The following UBA5 variants were observed in gnomAD, a reference collection of about 807,000 sequenced individuals.
UBA5 encodes ubiquitin-like modifier-activating enzyme 5.
Under a neutral mutation model 52.9 loss-of-function variants are expected in UBA5, and 28 were observed. That is an observed-to-expected ratio of 0.53 (90% CI 0.39 to 0.73). UBA5 has a LOEUF of 0.73. Among genes scored for constraint, UBA5 ranks in the 30% least tolerant of loss-of-function variants. The pLI, the probability that UBA5 is intolerant of heterozygous loss-of-function variation, is 0.00. For missense variants in UBA5, 388 were observed against 492.7 expected (o/e 0.79, Z 2.01); for synonymous variants, 135 against 162.1 (o/e 0.83, Z 1.27).
intron 1 of UBA5, among the ~76,000 whole-genome samples, chr3:132,664,515 G>GTTTT (rs1320006196): frequency 6.6e-6 from 1 of 152,134 alleles, no homozygotes; most frequent in Non-Finnish European, 1.5e-5. Context: ...TGATGACAGT[G>GTTTT]TTTTAAACTG....
intron 1 of UBA5, chr3:132,661,185 C>A: frequency 1.8e-6 from 1 of 562,564 alleles, no homozygotes; most frequent in Non-Finnish European, 2.7e-6. Flanking sequence ...CCAAGACTGC[C>A]CAGGCCTCTC....
rs1938892994 is a variant in UBA5, at chr3:132,677,636, ATAGGCTGTTTC to A, written c.*1113_*1123del. 1 of 152,198 alleles carries A rather than the reference ATAGGCTGTTTC, an allele frequency of 6.6e-6. No homozygotes were observed. Among genetic ancestry groups the A allele is most frequent in the Non-Finnish European group, 1.5e-5 (1 of 68,026 alleles). The allele number at this position is 152,198 out of a possible 1,614,324, so 9.4% of individuals were successfully genotyped here. A position where few individuals can be genotyped will look rare whatever the true frequency, so the allele number is the denominator to read the frequency against. ...TACCATGCAGGTGTAACCACTGCCA[ATAGGCTGTTTC>A]TATGCTTATTTCCTATTTTGATTTT... is the stretch of plus-strand genomic sequence containing the variant. On this transcript the variant is annotated 3_prime_UTR_variant, in exon 12 of 12. Transcript: ENST00000356232.
Position 132,671,109 on chromosome 3 carries a change from A to G in UBA5, c.579+60A>G, listed in dbSNP as rs1236043728. 7.9e-6 allele frequency: 11 copies of G among 1,384,122 alleles called. No individual in the cohort carries two copies. In the African/African-American group the frequency reaches 1.6e-4, roughly 20 times the overall value. The allele number at this position is 1,384,122 out of a possible 1,614,324, so 85.7% of individuals were successfully genotyped here. On this transcript the variant is annotated intron_variant, in intron 6 of 11. Transcript: ENST00000356232. The stretch of plus-strand genomic sequence containing the variant: ...ATTTATCTGTTTTCCTGTATATTCT[A>G]TCAGTATATAATCCCCATCCTAAAA...
chr3:132,673,300 G>A (rs186410688), intron 8 of UBA5, among the ~76,000 whole-genome samples: 15 of 152,182 alleles, frequency 9.9e-5, no homozygotes, highest in Non-Finnish European at 1.9e-4. Context: ...TATTAACAAT[G>A]CTATAGGCTA....
upstream of UBA5, chr3:132,659,436 T>A (rs1938004815): frequency 2.2e-6 from 2 of 906,718 alleles, no homozygotes; most frequent in Middle Eastern, 2.6e-4. Flanking sequence ...GCCCCCAGCA[T>A]CGAATTCGGA....
At position 132,660,464 on chromosome 3, in the gene UBA5, C is replaced by T; in HGVS notation, c.-74C>T. ...TGCCTCCCCACGTACCCCTCGCGGG[C>T]CCAGCCGAGCAACGTGGGGCGAAGG... is the stretch of plus-strand genomic sequence containing the variant. On this transcript the variant is annotated 5_prime_UTR_variant, in exon 1 of 12. Coordinates refer to ENST00000356232, the MANE Select transcript of UBA5 (RefSeq NM_024818.6). The surrounding 1 kb of genome is among the most constrained non-coding windows in gnomAD (Gnocchi z 4.1). 1 of 1,528,884 alleles carries T rather than the reference C, an allele frequency of 6.5e-7. No homozygotes were observed. The highest frequency in any genetic ancestry group is 1.2e-5 in the South Asian group (1 of 82,666). 94.7% of individuals were successfully genotyped at this position (1,528,884 alleles called of 1,614,324 possible).
chr3:132,660,872 T>C lies in UBA5; in HGVS notation c.161+174T>C, dbSNP rs1938124487. ...ACATCTTAGTACTGATCGGAAGATA[T>C]TCTTTCTCTTTTTTAAAAACCTCCA... On this transcript the variant is annotated intron_variant, in intron 1 of 11. Transcript: ENST00000356232. The surrounding 1 kb of genome is among the most constrained non-coding windows in gnomAD (Gnocchi z 4.1). 2 of 1,444,678 alleles carry C rather than the reference T, an allele frequency of 1.4e-6. No individual in the cohort carries two copies. The highest frequency in any genetic ancestry group is 2.7e-5 in the Admixed American group (1 of 36,744). The allele number at this position is 1,444,678 out of a possible 1,614,324, so 89.5% of individuals were successfully genotyped here.
At chr3:132,659,733 C>T (rs1183997026), upstream of UBA5, 1 of 1,605,236 alleles carries the variant, frequency 6.2e-7, no homozygotes, top group Admixed American at 1.7e-5. Flanking sequence ...TCGGACTCGC[C>T]AGTAGCACCT....
chr3:132,674,485 T>C lies in UBA5; in HGVS notation c.813-763T>C, dbSNP rs141962116. Among the ~76,000 whole-genome samples, 183 of 152,182 alleles carry C rather than the reference T, an allele frequency of 1.2e-3. 1 individual carries two copies. The highest frequency in any genetic ancestry group is 3.8e-3 in the African/African-American group (157 of 41,542). ...GGCGGATTGCTTGAGCCCAGGAATT[T>C]GAGACCAGCTTGGGCAACATGGCAA... On this transcript the variant is annotated intron_variant, in intron 8 of 11. Transcript: ENST00000356232.
chr3:132,657,236 T>G (rs1383036644), upstream of UBA5, among the ~76,000 whole-genome samples: 1 of 152,212 alleles, frequency 6.6e-6, no homozygotes, highest in Non-Finnish European at 1.5e-5. Flanking sequence ...AAAGTTCTTC[T>G]TTTCCCCCCA....
chr3:132,667,724 G>T (rs1355319954), intron 3 of UBA5: 7 of 152,114 alleles, frequency 4.6e-5, no homozygotes, highest in Admixed American at 4.6e-4. Flanking sequence ...CCTAAAAAGT[G>T]AAAGTGATTT....
chr3:132,660,305 A>T, upstream of UBA5: 1 of 596,822 alleles, frequency 1.7e-6, no homozygotes, highest in Non-Finnish European at 2.9e-6. The surrounding 1 kb of genome is among the most constrained non-coding windows in gnomAD (Gnocchi z 4.1). Context: ...CAGGTTTTTG[A>T]TGAGGGGGAG....
chr3:132,675,138 TA>T (rs566259970), intron 8 of UBA5, 109 bp from the exon 9 acceptor site: 396 of 813,622 alleles, frequency 4.9e-4, no homozygotes, highest in African/African-American at 3.6e-3. Context: ...GTTTTCTGGT[TA>T]AAAAAAATAT....
At chr3:132,663,103 G>A (rs967310699) in intron 1 of UBA5, among the ~76,000 whole-genome samples, 1 of 152,162 alleles carries the variant, frequency 6.6e-6, no homozygotes, top group Admixed American at 6.5e-5. Context: ...CTAGAGAAGG[G>A]ATGGGTGAAG....
At chr3:132,659,775 A>C (rs563055268), upstream of UBA5, 1 of 1,571,732 alleles carries the variant, frequency 6.4e-7, no homozygotes, top group Admixed American at 1.9e-5. Flanking sequence ...GGCCACAGCA[A>C]CGCGGCATCC....
chr3:132,671,273 T>C (rs1938589213), intron 6 of UBA5, among the ~76,000 whole-genome samples: 1 of 152,186 alleles, frequency 6.6e-6, no homozygotes, highest in South Asian at 2.1e-4. Flanking sequence ...TCCTACTCTT[T>C]TTGCTGGTAA....
chr3:132,676,816 G>A lies in UBA5; in HGVS notation c.*290G>A, dbSNP rs1259697127. The stretch of plus-strand genomic sequence containing the variant: ...AAATGTTTTGGCCTTTTGGAGTGGG[G>A]GAAGGACAAATCTGATCCTGTAATC... On this transcript the variant is annotated 3_prime_UTR_variant, in exon 12 of 12. Coordinates refer to ENST00000356232, the MANE Select transcript of UBA5 (RefSeq NM_024818.6). The surrounding 1 kb of genome is among the most constrained non-coding windows in gnomAD (Gnocchi z 4.1). The A allele has an allele frequency of 8.3e-6, 4 of 484,578 alleles. No homozygotes were observed. The highest frequency in any genetic ancestry group is 6.9e-5 in the Admixed American group (3 of 43,454). 30.0% of individuals were successfully genotyped at this position (484,578 alleles called of 1,614,324 possible). A position where few individuals can be genotyped will look rare whatever the true frequency, so the allele number is the denominator to read the frequency against.
rs796575512 is a variant in UBA5 at position 132,676,207 on chromosome 3, T to C, written c.1132-236T>C. On this transcript the variant is annotated intron_variant, in intron 11 of 11. Coordinates refer to ENST00000356232, the MANE Select transcript of UBA5 (RefSeq NM_024818.6). The surrounding 1 kb of genome is among the most constrained non-coding windows in gnomAD (Gnocchi z 4.1). ...TGTTTATCGGTAGTTTTAGCTACGA[T>C]GTCGTTTAAAAAGCTAGAGCTGTCA... is the stretch of plus-strand genomic sequence containing the variant. Among the ~76,000 whole-genome samples, 6 of 152,258 alleles carry C rather than the reference T, an allele frequency of 3.9e-5. No homozygotes were observed. In the South Asian group the frequency reaches 1.2e-3, roughly 32 times the overall value.
chr3:132,676,762 A>G lies in UBA5; in HGVS notation c.*236A>G. Reference sequence around the variant, plus strand: ...AAAACCTCAAAGGATATTGTAGGATATAAATCTTACTTGAAAACATAGCTG... The same window carrying G: ...AAAACCTCAAAGGATATTGTAGGATGTAAATCTTACTTGAAAACATAGCTG... On this transcript the variant is annotated 3_prime_UTR_variant, in exon 12 of 12. Coordinates refer to ENST00000356232, the MANE Select transcript of UBA5 (RefSeq NM_024818.6). The surrounding 1 kb of genome is among the most constrained non-coding windows in gnomAD (Gnocchi z 4.1). 5 of 566,650 alleles carry G rather than the reference A, an allele frequency of 8.8e-6. No individual in the cohort carries two copies. Among genetic ancestry groups the G allele is most frequent in the Non-Finnish European group, 1.7e-5 (5 of 299,008 alleles). 35.1% of individuals were successfully genotyped at this position (566,650 alleles called of 1,614,324 possible). A position where few individuals can be genotyped will look rare whatever the true frequency, so the allele number is the denominator to read the frequency against.
Sources: allele counts gnomAD v4.1 joint callset (sites outside exome capture counted in the v4.1 genomes callset), GRCh38; gene constraint gnomAD v4.1.1; non-coding constraint Gnocchi (gnomAD v3.1); transcripts MANE v1.5; gene names NCBI Gene and HGNC (gene_info 2026-07-23, HGNC 2026-07-21).